The following C1QTNF3 variants were observed in gnomAD, a reference collection of about 807,000 sequenced individuals.
C1QTNF3 encodes the protein C1q and TNF related 3.
Under a neutral mutation model 32.6 loss-of-function variants are expected in C1QTNF3, and 26 were observed. That is an observed-to-expected ratio of 0.80 (90% CI 0.58 to 1.11). The LOEUF (loss-of-function observed/expected upper bound fraction) is 1.11. Among genes scored for constraint, C1QTNF3 ranks in the 50% least tolerant of loss-of-function variants. The probability of loss-of-function intolerance (pLI) is 0.00; values close to 1 mark genes in which losing one functional copy is unlikely to be tolerated. For missense variants in C1QTNF3, 362 were observed against 398.2 expected (o/e 0.91, Z 0.77); for synonymous variants, 155 against 146.0 (o/e 1.06, Z -0.44).
rs1754401635 is a variant in C1QTNF3 at position 34,023,936 on chromosome 5, T to C, written c.773A>G (p.Asn258Ser). ...VEEVYVYLMH[N>S]GNTVFSMYSY... ...GTACATGCTGAAGACTGTGTTGCCA[T>C]TGTGCATAAGGTACACATACACTTC... The change falls in exon 5 of 6, where the codon AAT becomes AGT. Residue 258 changes from asparagine (N) to serine (S), a missense_variant. Coordinates refer to ENST00000382065, the MANE Select transcript of C1QTNF3 (RefSeq NM_181435.6). The C allele has an allele frequency of 1.2e-6, 2 of 1,613,996 alleles. No individual in the cohort carries two copies. The highest frequency in any genetic ancestry group is 2.7e-5 in the African/African-American group (2 of 74,918).
the C1QTNF3 span, among the ~76,000 whole-genome samples, chr5:34,101,789 C>T: frequency 1.2e-4 from 18 of 152,012 alleles, no homozygotes; most frequent in East Asian, 2.1e-3. Flanking sequence ...ATTTCAGATC[C>T]TTTTGAATTC....
the C1QTNF3 span, among the ~76,000 whole-genome samples, chr5:34,120,864 C>A: frequency 2.6e-5 from 4 of 152,158 alleles, no homozygotes; most frequent in Admixed American, 6.6e-5. Flanking sequence ...TAATACAATA[C>A]CCGTCCCCCT....
the C1QTNF3 span, among the ~76,000 whole-genome samples, chr5:34,223,355 T>A: frequency 6.6e-6 from 1 of 150,586 alleles, no homozygotes; most frequent in African/African-American, 2.5e-5. Context: ...GAACTCATCA[T>A]TTTTTATGGC....
the C1QTNF3 span, chr5:34,175,971 C>T: frequency 8.7e-6 from 7 of 805,216 alleles, no homozygotes; most frequent in Non-Finnish European, 1.3e-5. Flanking sequence ...GGAATCAAGG[C>T]AAAGAGAAGA....
the C1QTNF3 span, among the ~76,000 whole-genome samples, chr5:34,060,998 C>T: frequency 6.6e-6 from 1 of 152,212 alleles, no homozygotes; most frequent in South Asian, 2.1e-4. Context: ...GTCCCTTCTG[C>T]CTGTGAGCCT....
chr5:34,132,498 CA>C, the C1QTNF3 span, among the ~76,000 whole-genome samples: 2 of 147,088 alleles, frequency 1.4e-5, no homozygotes, highest in Non-Finnish European at 3.0e-5. Flanking sequence ...TTAACAGGTG[CA>C]AACGTTTAAA....
the C1QTNF3 span, among the ~76,000 whole-genome samples, chr5:34,206,131 T>G: frequency 6.6e-6 from 1 of 151,998 alleles, no homozygotes; most frequent in Admixed American, 6.6e-5. Flanking sequence ...CATATTGATA[T>G]CAATAAATGA....
At chr5:34,130,088 T>A in the C1QTNF3 span, among the ~76,000 whole-genome samples, 1 of 151,992 alleles carries the variant, frequency 6.6e-6, no homozygotes, top group Non-Finnish European at 1.5e-5. Flanking sequence ...CTCATTGCTG[T>A]TTGTCTTCAT....
the C1QTNF3 span, among the ~76,000 whole-genome samples, chr5:34,055,009 A>G: frequency 6.6e-6 from 1 of 152,248 alleles, no homozygotes; most frequent in East Asian, 1.9e-4. Context: ...CAAGGTGCTC[A>G]CAGAATTGAC....
At chr5:34,127,466 G>C in the C1QTNF3 span, among the ~76,000 whole-genome samples, 4 of 152,086 alleles carry the variant, frequency 2.6e-5, no homozygotes, top group East Asian at 7.7e-4. Context: ...GTGACATTTT[G>C]CCCCTCTCCT....
the C1QTNF3 span, chr5:34,164,622 A>C: frequency 6.6e-6 from 1 of 151,962 alleles, no homozygotes; most frequent in South Asian, 2.1e-4. Context: ...TTATCGAACA[A>C]TGGCCATGGG....
the C1QTNF3 span, among the ~76,000 whole-genome samples, chr5:34,120,959 C>G: frequency 6.6e-6 from 1 of 152,172 alleles, no homozygotes; most frequent in Non-Finnish European, 1.5e-5. Flanking sequence ...TTTTATTAAC[C>G]ATTAAATCCT....
intron 3 of C1QTNF3, among the ~76,000 whole-genome samples, chr5:34,031,837 G>A (rs1234863902): frequency 1.3e-5 from 2 of 151,940 alleles, no homozygotes; most frequent in East Asian, 3.9e-4. Context: ...AAACAAAACG[G>A]CTTTCATTTA....
the C1QTNF3 span, among the ~76,000 whole-genome samples, chr5:34,164,411 C>G: frequency 3.3e-5 from 5 of 151,714 alleles, no homozygotes; most frequent in Non-Finnish European, 5.9e-5. Context: ...TAGCAGAGTT[C>G]AAAAGGAATA....
chr5:34,167,288 C>G, the C1QTNF3 span: 3 of 152,142 alleles, frequency 2.0e-5, no homozygotes, highest in Non-Finnish European at 2.9e-5. Context: ...TAACTCAAAG[C>G]CTTCAACTTA....
chr5:34,131,911 TA>T, the C1QTNF3 span, among the ~76,000 whole-genome samples: 2 of 152,254 alleles, frequency 1.3e-5, no homozygotes, highest in African/African-American at 4.8e-5. Context: ...CATGTCAATT[TA>T]AAAAATATAA....
the C1QTNF3 span, among the ~76,000 whole-genome samples, chr5:34,085,077 G>A: frequency 5.9e-5 from 8 of 134,714 alleles, no homozygotes; most frequent in Middle Eastern, 3.9e-3. Flanking sequence ...TGCAAGCTCC[G>A]CCTCCCGGGT....
At chr5:34,169,718 T>C in the C1QTNF3 span, among the ~76,000 whole-genome samples, 1 of 152,118 alleles carries the variant, frequency 6.6e-6, no homozygotes, top group East Asian at 1.9e-4. Context: ...TCATTGCAAA[T>C]AGTAATATCA....
At chr5:34,095,957 AT>A in the C1QTNF3 span, among the ~76,000 whole-genome samples, 1 of 151,772 alleles carries the variant, frequency 6.6e-6, no homozygotes, top group Non-Finnish European at 1.5e-5. Flanking sequence ...GAGTGGATAC[AT>A]CTCAAGCACA....
Sources: allele counts gnomAD v4.1 joint callset (sites outside exome capture counted in the v4.1 genomes callset), GRCh38; gene constraint gnomAD v4.1.1; transcripts MANE v1.5; gene names NCBI Gene and HGNC (gene_info 2026-07-23, HGNC 2026-07-21).